Variants in HEMK2 observed in about 807,000 individuals in gnomAD.
HEMK2 encodes the protein methyltransferase HEMK2.
At chr21:28,715,365 G>T in the HEMK2 span, among the ~76,000 whole-genome samples, 1 of 151,870 alleles carries the variant, frequency 6.6e-6, no homozygotes, top group Admixed American at 6.6e-5. Context: ...ATCTCATTGT[G>T]GTTTTGATCT....
At chr21:28,710,853 C>G in the HEMK2 span, among the ~76,000 whole-genome samples, 2 of 152,160 alleles carry the variant, frequency 1.3e-5, no homozygotes, top group Non-Finnish European at 2.9e-5. Flanking sequence ...GAAGATCCCA[C>G]CCAAATTCCA....
chr21:28,831,631 G>GA, the HEMK2 span, among the ~76,000 whole-genome samples: 18 of 57,010 alleles, frequency 3.2e-4, no homozygotes, highest in African/African-American at 1.2e-3. Context: ...AGGAAAGAAG[G>GA]AAGGAAAGAA....
the HEMK2 span, among the ~76,000 whole-genome samples, chr21:28,771,465 G>C: frequency 6.6e-6 from 1 of 151,222 alleles, no homozygotes; most frequent in East Asian, 1.9e-4. Context: ...CTGGCACCTA[G>C]TGGGTACAGG....
chr21:28,740,907 C>T, the HEMK2 span, among the ~76,000 whole-genome samples: 1 of 148,526 alleles, frequency 6.7e-6, no homozygotes, highest in Non-Finnish European at 1.5e-5. Context: ...AAATACATTA[C>T]ATTTTTGAAA....
At chr21:28,777,103 C>G in the HEMK2 span, among the ~76,000 whole-genome samples, 2 of 152,166 alleles carry the variant, frequency 1.3e-5, no homozygotes, top group African/African-American at 4.8e-5. Context: ...TTTCCTTAAG[C>G]ATTAAGTAAT....
chr21:28,748,719 A>G, the HEMK2 span, among the ~76,000 whole-genome samples: 1 of 152,340 alleles, frequency 6.6e-6, no homozygotes, highest in South Asian at 2.1e-4. Context: ...TATGGAGCTA[A>G]TCTTCATTTT....
At chr21:28,882,189 C>A in the HEMK2 span, 1 of 1,588,438 alleles carries the variant, frequency 6.3e-7, no homozygotes, top group Non-Finnish European at 8.5e-7. Context: ...TGAATGTGAA[C>A]TTTGTTACAG....
At chr21:28,845,766 C>T in the HEMK2 span, among the ~76,000 whole-genome samples, 1 of 151,926 alleles carries the variant, frequency 6.6e-6, no homozygotes, top group East Asian at 1.9e-4. Context: ...ATCTTCTATT[C>T]ATCTCCTTAC....
chr21:28,604,787 CT>C, the HEMK2 span, among the ~76,000 whole-genome samples: 1 of 152,206 alleles, frequency 6.6e-6, no homozygotes, highest in Admixed American at 6.5e-5. Flanking sequence ...ACACCATTTG[CT>C]TTTTAGCTTG....
At chr21:28,838,452 T>A in the HEMK2 span, among the ~76,000 whole-genome samples, 1 of 151,726 alleles carries the variant, frequency 6.6e-6, no homozygotes, top group Non-Finnish European at 1.5e-5. Context: ...GAGAATGGCA[T>A]GAACCCAGGA....
At chr21:28,595,031 C>A in the HEMK2 span, among the ~76,000 whole-genome samples, 10 of 152,098 alleles carry the variant, frequency 6.6e-5, no homozygotes, top group African/African-American at 2.4e-4. Flanking sequence ...ATTATTTTTT[C>A]AATTTTAAAT....
At chr21:28,621,702 G>C in the HEMK2 span, among the ~76,000 whole-genome samples, 1 of 152,206 alleles carries the variant, frequency 6.6e-6, no homozygotes, top group Non-Finnish European at 1.5e-5. Context: ...GAATTACAAA[G>C]AACCTTCTTA....
the HEMK2 span, among the ~76,000 whole-genome samples, chr21:28,831,543 GA>G: frequency 7.0e-4 from 55 of 78,474 alleles, no homozygotes; most frequent in African/African-American, 3.4e-3. Context: ...AGGAAAGAAG[GA>G]AAGAAGGAAA....
At chr21:28,588,079 A>G in the HEMK2 span, among the ~76,000 whole-genome samples, 1 of 152,228 alleles carries the variant, frequency 6.6e-6, no homozygotes, top group Non-Finnish European at 1.5e-5. Context: ...GCTCTTGAAT[A>G]GCTAAACATT....
At chr21:28,690,870 C>G in the HEMK2 span, among the ~76,000 whole-genome samples, 1 of 152,146 alleles carries the variant, frequency 6.6e-6, no homozygotes, top group African/African-American at 2.4e-5. Context: ...TGTGTAAAAA[C>G]ACAGCCATTT....
At chr21:28,772,327 C>T in the HEMK2 span, among the ~76,000 whole-genome samples, 31,098 of 152,044 alleles carry the variant, frequency 0.2, 5,948 homozygotes, top group African/African-American at 0.49. Flanking sequence ...ATCAAGTGAA[C>T]AAAATATTTT....
chr21:28,864,820 CAGATAGATAGATAGAT>C, the HEMK2 span, among the ~76,000 whole-genome samples: 12 of 119,100 alleles, frequency 1.0e-4, no homozygotes. Context: ...GACAGACAGA[CAGATAGATAGATAGAT>C]AGATAGATAG....
the HEMK2 span, among the ~76,000 whole-genome samples, chr21:28,858,713 T>C: frequency 4.4e-4 from 67 of 152,260 alleles, no homozygotes; most frequent in African/African-American, 1.4e-3. Context: ...CTAAGGTTTC[T>C]GCTCTGGTTC....
At chr21:28,876,884 C>T in the HEMK2 span, among the ~76,000 whole-genome samples, 144 of 150,650 alleles carry the variant, frequency 9.6e-4, no homozygotes, top group Admixed American at 1.6e-3. Context: ...TGACATTGCA[C>T]AGTGAGAGTG....
Sources: gnomAD v4.1 joint callset for allele counts (sites outside exome capture counted in the v4.1 genomes callset) on GRCh38, gnomAD v4.1.1 for gene constraint, MANE v1.5 for transcripts, NCBI Gene and HGNC (gene_info 2026-07-23, HGNC 2026-07-21) for gene names.